The following MCF2L variants were observed in gnomAD, a reference collection of about 807,000 sequenced individuals.
MCF2L encodes the protein guanine nucleotide exchange factor DBS.
In MCF2L, 97 loss-of-function variants were observed where a neutral mutation model predicts 153.4. The ratio of observed to expected loss-of-function variants is 0.63; its 90% CI spans 0.54 to 0.75. The LOEUF (loss-of-function observed/expected upper bound fraction) is 0.75. MCF2L is among the 30% of genes least tolerant of loss of function. The pLI is 0.00. For missense variants in MCF2L, 1,347 were observed against 1,495.2 expected (o/e 0.90, Z 1.64); for synonymous variants, 659 against 632.2 (o/e 1.04, Z -0.64).
chr13:113,020,677 C>T (rs2084816781), intron 2 of MCF2L, among the ~76,000 whole-genome samples: 2 of 152,236 alleles, frequency 1.3e-5, no homozygotes, highest in Non-Finnish European at 2.9e-5. Flanking sequence ...TCCTCCCCTC[C>T]CACAAGCCCC....
intron 8 of MCF2L, among the ~76,000 whole-genome samples, chr13:113,069,651 C>T (rs968259645): frequency 2.0e-5 from 3 of 151,966 alleles, no homozygotes; most frequent in Non-Finnish European, 4.4e-5. Context: ...CCCAGCTACG[C>T]GGAGGCAGAG....
At chr13:112,987,199 G>A (rs2082682332) in intron 1 of MCF2L, among the ~76,000 whole-genome samples, 1 of 152,178 alleles carries the variant, frequency 6.6e-6, no homozygotes, top group South Asian at 2.1e-4. Flanking sequence ...AGCTTGTTCA[G>A]GTTCAGATTG....
chr13:113,092,760 T>C (rs2142108438), intron 26 of MCF2L, among the ~76,000 whole-genome samples: 1 of 151,234 alleles, frequency 6.6e-6, no homozygotes, highest in East Asian at 1.9e-4. Flanking sequence ...CCCATCATGG[T>C]CAGACCTCTG....
intron 2 of MCF2L, among the ~76,000 whole-genome samples, chr13:112,948,303 A>G (rs1333482230): frequency 6.6e-6 from 1 of 152,230 alleles, no homozygotes; most frequent in African/African-American, 2.4e-5. Context: ...TGTTCTTTAC[A>G]TGGCCAAGCT....
At chr13:112,917,114 C>G (rs1297686523) in intron 2 of MCF2L, 2 of 471,282 alleles carry the variant, frequency 4.2e-6, no homozygotes, top group Admixed American at 4.7e-5. Flanking sequence ...CTGTACTCAG[C>G]CCCTCGGCGA....
In MCF2L at chr13:113,085,119, C is replaced by T. The variant is rs767759374; in HGVS notation, c.2188C>T (p.Leu730=). The part of the protein sequence containing the change: ...CQRKLDHKLS[L]DSYLLKPVQR... ...GAGAAAGCTGGACCACAAGCTGAGC[C>T]TGGACTCCTACCTGCTGAAGCCAGT... is the stretch of plus-strand genomic sequence containing the variant. The change falls in exon 20 of 30, where the codon CTG becomes TTG. Residue 730 remains leucine, a synonymous_variant. Transcript: ENST00000535094. 139 of 1,613,600 alleles carry T rather than the reference C, an allele frequency of 8.6e-5. No homozygotes were observed. Among genetic ancestry groups the T allele is most frequent in the Middle Eastern group, 1.6e-4 (1 of 6,084 alleles).
intron 2 of MCF2L, among the ~76,000 whole-genome samples, chr13:112,911,480 A>T (rs573549016): frequency 1.1e-4 from 16 of 152,298 alleles, no homozygotes; most frequent in African/African-American, 3.4e-4. Flanking sequence ...GTTGGCCGTG[A>T]TCCCCGGATC....
chr13:112,996,457 C>T (rs1327120556), intron 1 of MCF2L, among the ~76,000 whole-genome samples: 2 of 152,206 alleles, frequency 1.3e-5, no homozygotes, highest in Non-Finnish European at 2.9e-5. Context: ...ATGTGTGCAG[C>T]GGGGCTGGGA....
At chr13:113,050,762 GGTGGCGGGGGGAGGGGGGCGGCA>G in intron 4 of MCF2L, among the ~76,000 whole-genome samples, 1 of 86,622 alleles carries the variant, frequency 1.2e-5, no homozygotes, top group African/African-American at 5.1e-5. Flanking sequence ...TGCGGGGGGC[GGTGGCGGGGGGAGGGGGGCGGCA>G]GGGGGCGGTG....
chr13:112,952,397 T>A lies in MCF2L; in HGVS notation c.169+50026T>A, dbSNP rs1225671474. Among the ~76,000 whole-genome samples the A allele has an allele frequency of 4.6e-5, 7 of 152,298 alleles. No individual in the cohort carries two copies. The East Asian group carries it at 7.7e-4, about 17-fold the overall frequency. On this transcript the variant is annotated intron_variant, in intron 2 of 29. Coordinates refer to the MCF2L transcript ENST00000375608. Reference sequence around the variant, plus strand: ...CAGGTTTGTTTTCTGGGGATCCCAATGTGATCGTGAACTTGCTGCATCACA... The same window carrying A: ...CAGGTTTGTTTTCTGGGGATCCCAAAGTGATCGTGAACTTGCTGCATCACA...
At position 113,039,347 on chromosome 13, in the gene MCF2L, T is replaced by C. The variant is rs116003786; in HGVS notation, c.279-5924T>C. On this transcript the variant is annotated intron_variant, in intron 3 of 29. Transcript: ENST00000535094. ...TGTAAATGTGAACTCTAAAGTAATA[T>C]AGTCTCTATTCTCGACAAACATAGG... Among the ~76,000 whole-genome samples, 663 of 152,318 alleles carry C rather than the reference T, an allele frequency of 4.4e-3. 3 individuals are homozygous for C. Among genetic ancestry groups the C allele is most frequent in the African/African-American group, 0.015 (607 of 41,552 alleles).
chr13:112,994,805 G>A (rs1262369865), intron 1 of MCF2L, among the ~76,000 whole-genome samples: 3 of 152,254 alleles, frequency 2.0e-5, no homozygotes, highest in African/African-American at 7.2e-5. Flanking sequence ...GGTAGAGTGA[G>A]TCGGAAAGGC....
In MCF2L at chr13:112,932,460, G is replaced by A. The variant is rs2081473703; in HGVS notation, c.169+30089G>A. ...ATCCTAGAACAGAAGAATATATTAG[G>A]CAAAAACTGTGGAAACCTGAATAAA... is the stretch of plus-strand genomic sequence containing the variant. On this transcript the variant is annotated intron_variant, in intron 2 of 29. Transcript: ENST00000375608. The surrounding 1 kb of genome is among the most constrained non-coding windows in gnomAD (Gnocchi z 4.6). Among the ~76,000 whole-genome samples, 1 of 152,136 alleles carries A rather than the reference G, an allele frequency of 6.6e-6. No individual in the cohort carries two copies. The highest frequency in any genetic ancestry group is 6.5e-5 in the Admixed American group (1 of 15,276).
intron 3 of MCF2L, among the ~76,000 whole-genome samples, chr13:113,038,760 GAC>G (rs2086300539): frequency 6.6e-6 from 1 of 152,224 alleles, no homozygotes; most frequent in South Asian, 2.1e-4. Flanking sequence ...TTATTAAAGT[GAC>G]AGTGATTAAC....
intron 2 of MCF2L, among the ~76,000 whole-genome samples, chr13:112,955,078 T>C (rs1456937753): frequency 1.3e-5 from 2 of 152,200 alleles, no homozygotes. Flanking sequence ...GCCGGGACCC[T>C]GGTCCCAGGC....
chr13:113,032,481 C>G (rs960686753), intron 3 of MCF2L, among the ~76,000 whole-genome samples: 1 of 152,240 alleles, frequency 6.6e-6, no homozygotes, highest in Non-Finnish European at 1.5e-5. Context: ...ACAGGACATG[C>G]CGCCTCGCAG....
chr13:113,021,065 T>C (rs909517360), intron 2 of MCF2L, among the ~76,000 whole-genome samples: 5 of 152,096 alleles, frequency 3.3e-5, no homozygotes, highest in African/African-American at 1.2e-4. Flanking sequence ...CATGTGTGTA[T>C]ATATAGGTGT....
chr13:112,995,140 C>T lies in MCF2L; in HGVS notation c.80-19623C>T, dbSNP rs182941441. Among the ~76,000 whole-genome samples, 86 of 152,340 alleles carry T rather than the reference C, an allele frequency of 5.6e-4. 1 individual carries two copies. Among genetic ancestry groups the T allele is most frequent in the African/African-American group, 1.9e-3 (80 of 41,578 alleles). On this transcript the variant is annotated intron_variant, in intron 1 of 29. Transcript: ENST00000535094. The stretch of plus-strand genomic sequence containing the variant: ...AGGATGCGGCTGTTTGGTGGCACTC[C>T]GCTGTGTCGAGGCACTGTGCCCGTG...
intron 1 of MCF2L, among the ~76,000 whole-genome samples, chr13:113,003,844 T>A (rs928232349): frequency 1.3e-5 from 2 of 152,158 alleles, no homozygotes; most frequent in African/African-American, 4.8e-5. Flanking sequence ...TTGCCACCTG[T>A]GGGTGACCTT....
Sources: gnomAD v4.1 joint callset for allele counts (sites outside exome capture counted in the v4.1 genomes callset) on GRCh38, gnomAD v4.1.1 for gene constraint, Gnocchi (gnomAD v3.1) non-coding constraint, MANE v1.5 for transcripts, NCBI Gene and HGNC (gene_info 2026-07-23, HGNC 2026-07-21) for gene names.